Variants in LRRC37B observed in about 807,000 individuals in gnomAD.
LRRC37B encodes the protein leucine rich repeat containing 37B.
LRRC37B carries 28 observed loss-of-function variants against 98.3 expected under a neutral mutation model. The ratio of observed to expected loss-of-function variants is 0.28; its 90% CI spans 0.21 to 0.39. The LOEUF is 0.39. LRRC37B is among the 10% of genes least tolerant of loss of function. The pLI is 1.00. For missense variants in LRRC37B, 938 were observed against 1,182.7 expected (o/e 0.79, Z 3.03); for synonymous variants, 364 against 442.7 (o/e 0.82, Z 2.23).
Position 32,049,138 on chromosome 17 carries a change from G to A in LRRC37B, c.2501G>A (p.Arg834Gln), listed in dbSNP as rs1396830894. 6 of 1,613,710 alleles carry A rather than the reference G, an allele frequency of 3.7e-6. No homozygotes were observed. Among genetic ancestry groups the A allele is most frequent in the East Asian group, 2.2e-5 (1 of 44,870 alleles). The change falls in exon 10 of 12, where the codon CGG becomes CAG. Residue 834 changes from arginine (R) to glutamine (Q), a missense_variant. Coordinates refer to ENST00000327564, the Ensembl canonical transcript of LRRC37B. Reference sequence around the variant, plus strand: ...GAAATTCAGCTAACCGAGCAGCTACGGTCCCTCATCCCCAACGAGGATGTG... The same window carrying A: ...GAAATTCAGCTAACCGAGCAGCTACAGTCCCTCATCCCCAACGAGGATGTG...
At chr17:32,030,896 C>A (rs1026115860) in intron 4 of LRRC37B, among the ~76,000 whole-genome samples, 169 bp downstream of exon 7, 5 of 151,990 alleles carry the variant, frequency 3.3e-5, no homozygotes, top group African/African-American at 1.2e-4. Flanking sequence ...AGAATTATTA[C>A]ACAGATCATA....
intron 7 of LRRC37B, among the ~76,000 whole-genome samples, chr17:32,038,644 G>A (rs1259155254): frequency 6.6e-6 from 1 of 152,156 alleles, no homozygotes; most frequent in East Asian, 1.9e-4. Context: ...ATCACCTGAA[G>A]TCAGGAGTTC....
At chr17:32,043,935 G>C (rs1843082) in intron 7 of LRRC37B, among the ~76,000 whole-genome samples, 147,875 of 149,412 alleles carry the variant, frequency 0.99, 73,172 homozygotes, top group East Asian at 1. Context: ...TGATCACTCA[G>C]TGTGTGCCAG....
chr17:32,029,343 T>C (rs1459343860), intron 3 of LRRC37B, among the ~76,000 whole-genome samples: 1 of 152,188 alleles, frequency 6.6e-6, no homozygotes, highest in African/African-American at 2.4e-5. Context: ...TTTATTTCCA[T>C]GTGTCAGTTT....
upstream of LRRC37B, among the ~76,000 whole-genome samples, chr17:32,020,037 G>A (rs1398532698): frequency 6.6e-6 from 1 of 152,098 alleles, no homozygotes; most frequent in African/African-American, 2.4e-5. Context: ...TAGAGACGGA[G>A]TTTCAGCATG....
intron 7 of LRRC37B, chr17:32,040,582 G>A: frequency 1.3e-6 from 1 of 768,692 alleles, no homozygotes. Context: ...ATGCTGGCAA[G>A]GACCATCAAG....
intron 3 of LRRC37B, among the ~76,000 whole-genome samples, chr17:32,029,698 A>G (rs2142247563): frequency 6.6e-6 from 1 of 152,278 alleles, no homozygotes; most frequent in East Asian, 1.9e-4. Context: ...TGTAGATTAC[A>G]AGGAGGGAGA....
intron 7 of LRRC37B, among the ~76,000 whole-genome samples, chr17:32,043,978 A>G (rs1475080130): frequency 6.6e-6 from 1 of 151,664 alleles, no homozygotes; most frequent in Non-Finnish European, 1.5e-5. Flanking sequence ...TTTAATCCTC[A>G]AAACTCATTT....
intron 7 of LRRC37B, chr17:32,041,852 A>T (rs1911447432): frequency 2.2e-6 from 1 of 458,686 alleles, no homozygotes; most frequent in African/African-American, 2.0e-5. Context: ...TCTCAGAAAC[A>T]CTAATGTTCC....
Position 32,026,230 on chromosome 17 carries a change from AC to A in LRRC37B, c.1832+1449del, listed in dbSNP as rs1189552165. Among the ~76,000 whole-genome samples, 8 of 152,364 alleles carry A rather than the reference AC, an allele frequency of 5.3e-5. No homozygotes were observed. The South Asian group carries it at 1.0e-3, about 20-fold the overall frequency. On this transcript the variant is annotated intron_variant, in intron 2 of 11. Transcript: ENST00000327564. Reference sequence around the variant, plus strand: ...ATGAGTTCTAAATTAAAAATCAAACACATGCCATGTGCAGTGGCTCACGCCT... The same window carrying A: ...ATGAGTTCTAAATTAAAAATCAAACAATGCCATGTGCAGTGGCTCACGCCT...
In LRRC37B at chr17:32,021,956, GA is replaced by G; in HGVS notation, c.892del (p.Thr298ProfsTer25). ...TAGAGCCCAAAAGTCAAAATCCAGA[GA>G]CCCTTGAAGACATCCAGTCCTCTTC... On this transcript the variant is annotated frameshift_variant, in exon 1 of 12. Coordinates refer to ENST00000327564, the Ensembl canonical transcript of LRRC37B. LOFTEE classifies it high-confidence loss of function. The G allele has an allele frequency of 6.2e-7, 1 of 1,614,040 alleles. No individual in the cohort carries two copies. Among genetic ancestry groups the G allele is most frequent in the Middle Eastern group, 1.7e-4 (1 of 6,056 alleles).
At chr17:32,044,515 C>T (rs560698887) in intron 7 of LRRC37B, among the ~76,000 whole-genome samples, 150 of 152,286 alleles carry the variant, frequency 9.8e-4, no homozygotes, top group Non-Finnish European at 1.6e-3. Flanking sequence ...ATCTTTCCTG[C>T]CTCGTGACCC....
chr17:32,021,964 A>G (rs772744049), exon 1 of LRRC37B: 2 of 1,613,946 alleles, frequency 1.2e-6, no homozygotes, highest in African/African-American at 2.7e-5. Flanking sequence ...GAGACCCTTG[A>G]AGACATCCAG....
Position 32,045,823 on chromosome 17 carries a change from G to T in LRRC37B, c.2323+5G>T, listed in dbSNP as rs1473547133. 2.5e-6 allele frequency: 4 copies of T among 1,597,392 alleles called. No homozygotes were observed. In the African/African-American group the frequency reaches 5.3e-5, roughly 21 times the overall value. On this transcript the variant is annotated splice_donor_5th_base_variant and intron_variant, in intron 8 of 11. Coordinates refer to ENST00000327564, the Ensembl canonical transcript of LRRC37B. The stretch of plus-strand genomic sequence containing the variant: ...TGACTAACAGCATACATTGTCGTGA[G>T]TCCAAATTGCCTGGTGATAAATTGT...
At chr17:32,020,186 G>A (rs1567612979), upstream of LRRC37B, among the ~76,000 whole-genome samples, 1 of 152,176 alleles carries the variant, frequency 6.6e-6, no homozygotes, top group Non-Finnish European at 1.5e-5. Context: ...CCGTGCCTGT[G>A]CTAGGCACTG....
rs1207238365 is a variant in LRRC37B, at chr17:32,050,116, A to G, written c.2862+9A>G. On this transcript the variant is annotated intron_variant, in intron 11 of 11. Transcript: ENST00000327564. ...TTTTTTGTCTTATAGAGGTAAGGAC[A>G]ATAATTAATTCAGGTTTTCAGAATA... 3 of 1,352,070 alleles carry G rather than the reference A, an allele frequency of 2.2e-6. No homozygotes were observed. Among genetic ancestry groups the G allele is most frequent in the East Asian group, 4.6e-5 (2 of 43,630 alleles). 83.8% of individuals were successfully genotyped at this position (1,352,070 alleles called of 1,614,324 possible). A position where few individuals can be genotyped will look rare whatever the true frequency, so the allele number is the denominator to read the frequency against.
At chr17:32,008,665 G>A (rs1177426709) in intron 1 of LRRC37B, among the ~76,000 whole-genome samples, 1 of 152,206 alleles carries the variant, frequency 6.6e-6, no homozygotes, top group Non-Finnish European at 1.5e-5. Context: ...CCTAGCTGTG[G>A]TTTTTAAATT....
chr17:32,021,525 C>G, exon 1 of LRRC37B: 2 of 1,613,948 alleles, frequency 1.2e-6, no homozygotes, highest in African/African-American at 2.7e-5. Flanking sequence ...CAAGCGGACT[C>G]CAGAAGAAAG....
At chr17:32,045,848 T>C in intron 8 of LRRC37B, 30 bp downstream of exon 11, 1 of 1,583,346 alleles carries the variant, frequency 6.3e-7, no homozygotes, top group Non-Finnish European at 8.6e-7. Flanking sequence ...TGATAAATTG[T>C]TACATTATTT....
Sources: allele counts gnomAD v4.1 joint callset (sites outside exome capture counted in the v4.1 genomes callset), GRCh38; gene constraint gnomAD v4.1.1; transcripts MANE v1.5; gene names NCBI Gene and HGNC (gene_info 2026-07-23, HGNC 2026-07-21).